Variants in TLE3 observed in about 807,000 individuals in gnomAD.
TLE3 encodes the protein TLE family member 3, transcriptional corepressor.
In TLE3, 14 loss-of-function variants were observed where a neutral mutation model predicts 93.0. That is an observed-to-expected ratio of 0.15 (90% CI 0.10 to 0.24). The LOEUF is 0.24. TLE3 is among the 10% of genes least tolerant of loss of function. The pLI is 1.00. For synonymous variants in TLE3, 451 were observed against 425.0 expected (o/e 1.06, Z -0.75); for missense variants, 693 against 1,046.6 (o/e 0.66, Z 4.66).
At chr15:70,052,322 G>A (rs1030879748) in intron 18 of TLE3, 52 bp downstream of exon 18, 4 of 1,593,786 alleles carry the variant, frequency 2.5e-6, no homozygotes, top group African/African-American at 2.7e-5. Flanking sequence ...GGGCCAGGCT[G>A]CCCTGGGTTC....
At position 70,074,561 on chromosome 15, in the gene TLE3, G is replaced by T; in HGVS notation, c.344C>A (p.Thr115Asn). The change falls in exon 6 of 20, where the codon ACC (threonine) becomes AAC (asparagine). Residue 115 changes from threonine to asparagine, a missense_variant. Physicochemically the swap from Thr to Asn is moderately conservative, Grantham distance 65. Around this residue, in one of 4 missense-constraint regions of TLE3, gnomAD observed 104 missense variants for 173.8 expected, o/e 0.60. Transcript: ENST00000451782. ...AQAVERAKQV[T>N]MTELNAIIGQ... ...GATGATGGCGTTCAGCTCCGTCATGGTGACCTGCTTGGCGCGCTCCACTGC... is the reference window on the plus strand; with the variant it reads ...GATGATGGCGTTCAGCTCCGTCATGTTGACCTGCTTGGCGCGCTCCACTGC... The T allele has an allele frequency of 6.2e-7, 1 of 1,612,982 alleles. No individual in the cohort carries two copies.
chr15:70,059,326 A>C, intron 10 of TLE3, 84 bp downstream of exon 10: 1 of 1,490,774 alleles, frequency 6.7e-7, no homozygotes, highest in Non-Finnish European at 9.1e-7. Flanking sequence ...ATACTAGAAC[A>C]GACAGAATAG....
rs756844919 is a variant in TLE3, at chr15:70,055,228, C to T, written c.1399G>A (p.Gly467Ser). 3 of 1,613,044 alleles carry T rather than the reference C, an allele frequency of 1.9e-6. No individual in the cohort carries two copies. Among genetic ancestry groups the T allele is most frequent in the Non-Finnish European group, 2.5e-6 (3 of 1,179,616 alleles). Residue 467 changes from glycine to serine, a missense_variant, in exon 15 of 20, where the codon GGC becomes AGC. By Grantham distance (56) the Gly-to-Ser change is moderately conservative. Around this residue, in one of 4 missense-constraint regions of TLE3, gnomAD observed 405 missense variants for 468.9 expected, o/e 0.86. Transcript: ENST00000451782. ...PVPFPHDALA[G>S]PGIPRHARQI... is the part of the protein sequence containing the mutation. Reference sequence around the variant, plus strand: ...CGGGCGTGCCTCGGGATGCCGGGGCCTGCCAGGGCGTCGTGGGGGAAGGGC... The same window carrying T: ...CGGGCGTGCCTCGGGATGCCGGGGCTTGCCAGGGCGTCGTGGGGGAAGGGC...
intron 5 of TLE3, among the ~76,000 whole-genome samples, chr15:70,075,460 C>G (rs1363787192): frequency 6.6e-6 from 1 of 152,208 alleles, no homozygotes; most frequent in Non-Finnish European, 1.5e-5. Context: ...TTAATTCAAT[C>G]ATTTACTCAG....
chr15:70,076,986 G>A (rs1369644139), intron 4 of TLE3, among the ~76,000 whole-genome samples: 1 of 152,174 alleles, frequency 6.6e-6, no homozygotes, highest in Non-Finnish European at 1.5e-5. Flanking sequence ...CCAAAGGGCT[G>A]GGACTACAGA....
intron 4 of TLE3, among the ~76,000 whole-genome samples, chr15:70,093,582 A>C (rs1300789103): frequency 6.6e-6 from 1 of 152,252 alleles, no homozygotes; most frequent in Non-Finnish European, 1.5e-5. Context: ...CTCCATTTAT[A>C]CGTGCCAAGT....
At chr15:70,050,929 G>T (rs1235421411) in intron 19 of TLE3, 2 of 161,618 alleles carry the variant, frequency 1.2e-5, no homozygotes, top group Non-Finnish European at 2.7e-5. Flanking sequence ...ATTATAAAAA[G>T]CCTCTTCCTT....
At chr15:70,082,703 G>T (rs939710075) in intron 4 of TLE3, among the ~76,000 whole-genome samples, 1 of 152,226 alleles carries the variant, frequency 6.6e-6, no homozygotes, top group Non-Finnish European at 1.5e-5. Flanking sequence ...CTGAGGATCT[G>T]TCTCCTCCGG....
At chr15:70,061,873 A>C (rs939365996) in intron 8 of TLE3, among the ~76,000 whole-genome samples, 2 of 152,172 alleles carry the variant, frequency 1.3e-5, no homozygotes, top group African/African-American at 2.4e-5. Flanking sequence ...GTCCCCATGC[A>C]ACACAGGAGG....
At chr15:70,086,676 A>G (rs1481198304) in intron 4 of TLE3, among the ~76,000 whole-genome samples, 2 of 152,230 alleles carry the variant, frequency 1.3e-5, no homozygotes, top group South Asian at 2.1e-4. Flanking sequence ...AAACAAAAAA[A>G]GCAGTAGAAG....
At position 70,049,618 on chromosome 15, in the gene TLE3, G is replaced by C. The variant is rs2055348278; in HGVS notation, c.*479C>G. Reference sequence around the variant, plus strand: ...GTGGGAAGGGGCCTCCTCTCCCACTGATCAGTCCGCAATAGGAGTCTGTTA... The same window carrying C: ...GTGGGAAGGGGCCTCCTCTCCCACTCATCAGTCCGCAATAGGAGTCTGTTA... On this transcript the variant is annotated 3_prime_UTR_variant, in exon 20 of 20. Transcript: ENST00000451782. 1 of 152,292 alleles carries C rather than the reference G, an allele frequency of 6.6e-6. No individual in the cohort carries two copies. The highest frequency in any genetic ancestry group is 2.4e-5 in the African/African-American group (1 of 41,150). The allele number at this position is 152,292 out of a possible 1,614,324, so 9.4% of individuals were successfully genotyped here.
intron 6 of TLE3, among the ~76,000 whole-genome samples, chr15:70,071,386 A>G (rs1175203110): frequency 6.6e-6 from 1 of 152,076 alleles, no homozygotes; most frequent in Admixed American, 6.5e-5. Context: ...TTGGCTTGAG[A>G]GCCTGGTTCC....
At chr15:70,075,309 G>C (rs1019598296) in intron 5 of TLE3, among the ~76,000 whole-genome samples, 3 of 152,268 alleles carry the variant, frequency 2.0e-5, no homozygotes, top group East Asian at 1.9e-4. Context: ...ACCTAAAACT[G>C]CTCTTAAAAA....
chr15:70,061,942 G>A (rs1456186504), intron 8 of TLE3, among the ~76,000 whole-genome samples: 1 of 152,214 alleles, frequency 6.6e-6, no homozygotes, highest in Non-Finnish European at 1.5e-5. Flanking sequence ...AAGGCAAGTG[G>A]AATGAGGCTT....
chr15:70,067,268 A>C (rs1479300155), intron 6 of TLE3, among the ~76,000 whole-genome samples: 1 of 152,204 alleles, frequency 6.6e-6, no homozygotes, highest in Non-Finnish European at 1.5e-5. Flanking sequence ...CTGAAAGAGA[A>C]GTTAGGTATG....
chr15:70,082,063 G>A (rs888505363), intron 4 of TLE3, among the ~76,000 whole-genome samples: 38 of 152,028 alleles, frequency 2.5e-4, no homozygotes, highest in African/African-American at 8.9e-4. Flanking sequence ...GTGGGAGGCT[G>A]TGCAGAAAGA....
Position 70,097,876 on chromosome 15 carries a change from A to T in TLE3, c.-1078T>A, listed in dbSNP as rs1470642016. 3.2e-6 allele frequency: 1 copy of T among 311,300 alleles called. No individual in the cohort carries two copies. Among genetic ancestry groups the T allele is most frequent in the Non-Finnish European group, 5.9e-6 (1 of 170,860 alleles). 19.3% of individuals were successfully genotyped at this position (311,300 alleles called of 1,614,324 possible). On this transcript the variant is annotated 5_prime_UTR_variant, in exon 1 of 20. Transcript: ENST00000451782. ...ACACAGACAGGCGAAGGGGACGAGC[A>T]CGAGGTCTGAACTGCCGCGAGAGCA...
chr15:70,096,548 C>A, intron 1 of TLE3: 1 of 1,409,924 alleles, frequency 7.1e-7, no homozygotes, highest in Non-Finnish European at 9.7e-7. Flanking sequence ...GGCCGGGGAC[C>A]GCGTGAACAG....
At chr15:70,083,288 T>G (rs985058729) in intron 4 of TLE3, among the ~76,000 whole-genome samples, 1 of 152,120 alleles carries the variant, frequency 6.6e-6, no homozygotes, top group South Asian at 2.1e-4. Context: ...TTCCTCAGAC[T>G]TTCAGTTTCC....
Sources: gnomAD v4.1 joint callset for allele counts (sites outside exome capture counted in the v4.1 genomes callset) on GRCh38, gnomAD v4.1.1 for gene constraint, gnomAD v4.1.1 regional missense constraint, MANE v1.5 for transcripts, NCBI Gene and HGNC (gene_info 2026-07-23, HGNC 2026-07-21) for gene names.